Variants in CRB1 observed in about 807,000 individuals in gnomAD.
The protein encoded by CRB1 is protein crumbs homolog 1.
In CRB1, 83 loss-of-function variants were observed where a neutral mutation model predicts 120.0. The ratio of observed to expected loss-of-function variants is 0.69; its 90% confidence interval spans 0.58 to 0.83. The LOEUF is 0.83. Ranked by LOEUF, CRB1 falls within the 40% of genes least tolerant of loss-of-function variation. The pLI is 0.00. For synonymous variants in CRB1, 625 were observed against 612.5 expected (o/e 1.02, Z -0.30); for missense variants, 1,699 against 1,687.6 (o/e 1.01, Z -0.12).
rs2125472030 is a variant in CRB1, at chr1:197,421,902, C to T, written c.2074C>T (p.Leu692=). 1 of 1,614,178 alleles carries T rather than the reference C, an allele frequency of 6.2e-7. No individual in the cohort carries two copies. The highest frequency in any genetic ancestry group is 8.5e-7 in the Non-Finnish European group (1 of 1,180,034). The change falls in exon 6 of 12, where the codon CTG becomes TTG. Residue 692 remains leucine (L), a synonymous_variant. Coordinates refer to ENST00000367400, the MANE Select transcript of CRB1 (RefSeq NM_201253.3). ...CAGAGGACGCTGCATCAACTTGTGG[C>T]TGAGTTACCAGTGTGACTGCCACAG... The part of the protein sequence containing the change: ...QSRGRCINLW[L]SYQCDCHRPY...
At position 197,435,515 on chromosome 1, in the gene CRB1, T is replaced by G. The variant is rs968499207; in HGVS notation, c.3652T>G (p.Cys1218Gly). 1 of 1,612,260 alleles carries G rather than the reference T, an allele frequency of 6.2e-7. No homozygotes were observed. Among genetic ancestry groups the G allele is most frequent in the Admixed American group, 1.7e-5 (1 of 59,864 alleles). ...GVNCEVDIDN[C>G]QSHQCANGAT... Reference sequence around the variant, plus strand: ...GAACTGTGAAGTGGATATAGACAACTGCCAGAGTCACCAGTGTGCAAATGG... The same window carrying G: ...GAACTGTGAAGTGGATATAGACAACGGCCAGAGTCACCAGTGTGCAAATGG... Residue 1218 changes from cysteine (C) to glycine (G), a missense_variant, in exon 9 of 12, where the codon TGC becomes GGC. Physicochemically the swap from Cys to Gly is radical, Grantham distance 159. Coordinates refer to ENST00000367400, the MANE Select transcript of CRB1 (RefSeq NM_201253.3).
intron 1 of CRB1, among the ~76,000 whole-genome samples, chr1:197,284,194 C>A (rs900316812): frequency 6.6e-6 from 1 of 151,910 alleles, no homozygotes; most frequent in African/African-American, 2.4e-5. Flanking sequence ...TAGACTTCAT[C>A]AAGCACCAAT....
intron 2 of CRB1, among the ~76,000 whole-genome samples, chr1:197,332,359 A>G (rs1303130479): frequency 6.6e-6 from 1 of 152,090 alleles, no homozygotes; most frequent in Non-Finnish European, 1.5e-5. Flanking sequence ...TTCCTTGTCA[A>G]TCCCTGATAT....
the CRB1 span, among the ~76,000 whole-genome samples, chr1:197,252,539 T>TAC: frequency 8.3e-5 from 1 of 12,052 alleles, no homozygotes; most frequent in Non-Finnish European, 1.7e-4. Context: ...CAATAGATTT[T>TAC]ATATATATAT....
chr1:197,394,981 C>T (rs1316545743), intron 5 of CRB1, among the ~76,000 whole-genome samples: 1 of 152,072 alleles, frequency 6.6e-6, no homozygotes, highest in Non-Finnish European at 1.5e-5. Flanking sequence ...ACTTAATAGG[C>T]AATCAAGGAG....
At chr1:197,378,169 T>C (rs12128912) in intron 5 of CRB1, among the ~76,000 whole-genome samples, 37,570 of 152,118 alleles carry the variant, frequency 0.25, 5,199 homozygotes, top group Middle Eastern at 0.38. Flanking sequence ...AGAATAAAGT[T>C]ATGTATGGGC....
chr1:197,214,284 C>T, the CRB1 span, among the ~76,000 whole-genome samples: 1 of 151,990 alleles, frequency 6.6e-6, no homozygotes, highest in Non-Finnish European at 1.5e-5. Context: ...CTTTGAACTG[C>T]GTGAGTCTAC....
rs568010290 is a variant in CRB1, at chr1:197,427,728, G to A, written c.2403G>A (p.Lys801=). ...GNVHLISLKI[K]PYKIELYQSS... The stretch of plus-strand genomic sequence containing the variant: ...TCCACTTGATATCTTTGAAAATCAA[G>A]CCATATAAAATTGAACTGTATCAGT... The change falls in exon 7 of 12, where the codon AAG becomes AAA. Residue 801 remains lysine (K), a synonymous_variant. Transcript: ENST00000367400. The A allele has an allele frequency of 5.6e-6, 9 of 1,613,896 alleles. No individual in the cohort carries two copies. The African/African-American group carries it at 1.1e-4, about 19-fold the overall frequency.
At chr1:197,357,660 A>G (rs1660560112) in intron 5 of CRB1, 1 of 157,282 alleles carries the variant, frequency 6.4e-6, no homozygotes, top group Non-Finnish European at 1.4e-5. Context: ...GAGAAAACCA[A>G]TTACAATCTA....
At chr1:197,430,140 A>G (rs6684593) in intron 8 of CRB1, among the ~76,000 whole-genome samples, 141,758 of 152,236 alleles carry the variant, frequency 0.93, 66,900 homozygotes, top group East Asian at 1. Context: ...CACTGTGAAA[A>G]GTTTTCCTGT....
chr1:197,242,847 C>T, the CRB1 span, among the ~76,000 whole-genome samples: 25,557 of 152,138 alleles, frequency 0.17, 2,365 homozygotes, highest in Middle Eastern at 0.25. Context: ...GCCTCAATTT[C>T]AGAAATTGTT....
At chr1:197,209,668 G>C in the CRB1 span, among the ~76,000 whole-genome samples, 3 of 152,064 alleles carry the variant, frequency 2.0e-5, no homozygotes, top group Non-Finnish European at 4.4e-5. Context: ...TCTTTTCCCA[G>C]TTCCCCTGGC....
intron 1 of CRB1, among the ~76,000 whole-genome samples, chr1:197,307,537 CTG>C (rs1162822200): frequency 6.6e-6 from 1 of 152,126 alleles, no homozygotes. Context: ...AATGCAGGAA[CTG>C]TGAGAGTACA....
intron 1 of CRB1, among the ~76,000 whole-genome samples, chr1:197,328,079 G>A (rs569954480): frequency 4.6e-5 from 7 of 152,184 alleles, no homozygotes; most frequent in African/African-American, 1.7e-4. Flanking sequence ...TTGCTATCCT[G>A]TATATAAGTC....
the CRB1 span, among the ~76,000 whole-genome samples, chr1:197,253,492 A>G: frequency 1.3e-5 from 2 of 152,048 alleles, no homozygotes; most frequent in African/African-American, 4.8e-5. Flanking sequence ...TAAACTCTTG[A>G]TGTAAGAGAT....
At chr1:197,453,379 A>G (rs1465677439) in intron 11 of CRB1, among the ~76,000 whole-genome samples, 1 of 147,596 alleles carries the variant, frequency 6.8e-6, no homozygotes, top group African/African-American at 2.5e-5. Context: ...TAAATTATAT[A>G]TAATTAAATT....
At chr1:197,394,534 AC>A (rs1662675998) in intron 5 of CRB1, among the ~76,000 whole-genome samples, 1 of 152,080 alleles carries the variant, frequency 6.6e-6, no homozygotes, top group African/African-American at 2.4e-5. Flanking sequence ...ATATTGTAAA[AC>A]TACCTACATT....
chr1:197,309,004 A>G (rs1326659721), intron 1 of CRB1, among the ~76,000 whole-genome samples: 1 of 151,346 alleles, frequency 6.6e-6, no homozygotes, highest in Non-Finnish European at 1.5e-5. Context: ...GTATATATAA[A>G]TATACAGTAT....
chr1:197,420,403 G>T (rs1392739241), intron 5 of CRB1, among the ~76,000 whole-genome samples: 1 of 152,126 alleles, frequency 6.6e-6, no homozygotes, highest in East Asian at 1.9e-4. Context: ...AGCTTGTTAT[G>T]GTATAGACAT....
Sources: allele counts gnomAD v4.1 joint callset (sites outside exome capture counted in the v4.1 genomes callset), GRCh38; gene constraint gnomAD v4.1.1; transcripts MANE v1.5; gene names NCBI Gene and HGNC (gene_info 2026-07-23, HGNC 2026-07-21).